Variants in CHSY1 observed in about 807,000 individuals in gnomAD.
CHSY1 encodes the protein chondroitin sulfate synthase 1, also known as N-acetylgalactosaminyl-proteoglycan 3-beta-glucuronosyltransferase 1.
A neutral mutation model predicts 59.8 loss-of-function variants in CHSY1; 13 were observed. That is an observed-to-expected ratio of 0.22 (90% CI 0.14 to 0.35). CHSY1 has a LOEUF of 0.35. Among genes scored for constraint, CHSY1 ranks in the 10% least tolerant of loss-of-function variants. The pLI is 1.00. For synonymous variants in CHSY1, 459 were observed against 401.2 expected, an observed-to-expected ratio of 1.14 and a Z score of -1.72; for missense variants, 947 against 1,030.6, an observed-to-expected ratio of 0.92 and a Z score of 1.11.
At chr15:101,190,696 A>T (rs2038431327) in intron 2 of CHSY1, among the ~76,000 whole-genome samples, 2 of 152,274 alleles carry the variant, frequency 1.3e-5, no homozygotes, top group South Asian at 4.1e-4. Context: ...GAAAATATTC[A>T]CAGACTTATA....
Position 101,177,325 on chromosome 15 carries a change from T to C in CHSY1, c.*63A>G, listed in dbSNP as rs1295227529. ...GTATACGGACTTCAAAAACTGATCA[T>C]ACAAAAAATTTTTGAAAAATAAATT... On this transcript the variant is annotated 3_prime_UTR_variant, in exon 3 of 3. Transcript: ENST00000254190. 13 of 1,532,474 alleles carry C rather than the reference T, an allele frequency of 8.5e-6. No individual in the cohort carries two copies. The highest frequency in any genetic ancestry group is 1.2e-5 in the South Asian group (1 of 82,236). 94.9% of individuals were successfully genotyped at this position (1,532,474 alleles called of 1,614,324 possible).
chr15:101,185,400 C>T (rs1275701486), intron 2 of CHSY1, among the ~76,000 whole-genome samples: 1 of 103,734 alleles, frequency 9.6e-6, no homozygotes, highest in African/African-American at 3.6e-5. Flanking sequence ...AGCCCTTGCT[C>T]TGAGTGTGAA....
At chr15:101,222,926 C>T (rs949169944) in intron 2 of CHSY1, among the ~76,000 whole-genome samples, 16 of 152,220 alleles carry the variant, frequency 1.1e-4, no homozygotes, top group Admixed American at 6.5e-5. Flanking sequence ...TTAAGCTCCA[C>T]TTCCAGGAGG....
chr15:101,211,020 A>G (rs2038677022), intron 2 of CHSY1, among the ~76,000 whole-genome samples: 1 of 152,156 alleles, frequency 6.6e-6, no homozygotes, highest in African/African-American at 2.4e-5. Flanking sequence ...ACACAGCTAA[A>G]AGTTAAAATG....
At chr15:101,182,935 T>C (rs2038299860) in intron 2 of CHSY1, among the ~76,000 whole-genome samples, 1 of 152,016 alleles carries the variant, frequency 6.6e-6, no homozygotes, top group Admixed American at 6.6e-5. Flanking sequence ...AAACCCTTGG[T>C]GGAACAGAAA....
At chr15:101,242,880 C>T (rs1331244441) in intron 1 of CHSY1, among the ~76,000 whole-genome samples, 5 of 152,160 alleles carry the variant, frequency 3.3e-5, no homozygotes, top group East Asian at 1.9e-4. Flanking sequence ...TCATCGTGCA[C>T]GTCCTTATGA....
chr15:101,224,515 G>T (rs1015616793), intron 2 of CHSY1, among the ~76,000 whole-genome samples: 1 of 152,140 alleles, frequency 6.6e-6, no homozygotes, highest in Non-Finnish European at 1.5e-5. Flanking sequence ...GGCAATGACG[G>T]TTCTTAAACA....
intron 2 of CHSY1, among the ~76,000 whole-genome samples, chr15:101,211,757 T>C (rs915735625): frequency 1.3e-5 from 2 of 151,866 alleles, no homozygotes; most frequent in Admixed American, 1.3e-4. Flanking sequence ...ATAAAATACC[T>C]TCAAAGAAAA....
At chr15:101,219,943 G>A (rs1406757772) in intron 2 of CHSY1, among the ~76,000 whole-genome samples, 1 of 152,048 alleles carries the variant, frequency 6.6e-6, no homozygotes, top group Non-Finnish European at 1.5e-5. Flanking sequence ...ATTTTGTGAG[G>A]GGGTTTCTCC....
At chr15:101,239,936 G>A (rs1309060670) in intron 1 of CHSY1, among the ~76,000 whole-genome samples, 1 of 152,274 alleles carries the variant, frequency 6.6e-6, no homozygotes, top group Non-Finnish European at 1.5e-5. Context: ...AGTACAACCA[G>A]CACAGACGCA....
At chr15:101,233,384 C>T (rs1030269576) in intron 2 of CHSY1, among the ~76,000 whole-genome samples, 8 of 152,068 alleles carry the variant, frequency 5.3e-5, no homozygotes, top group East Asian at 3.9e-4. Flanking sequence ...TCTATGATTC[C>T]GGCAAGAAGG....
intron 2 of CHSY1, among the ~76,000 whole-genome samples, chr15:101,223,295 A>T (rs2038808946): frequency 6.6e-6 from 1 of 152,218 alleles, no homozygotes; most frequent in African/African-American, 2.4e-5. Context: ...CCGGCCAACT[A>T]CTTTGTTTAA....
At chr15:101,246,539 C>T (rs2039054525) in intron 1 of CHSY1, among the ~76,000 whole-genome samples, 2 of 152,050 alleles carry the variant, frequency 1.3e-5, no homozygotes, top group Non-Finnish European at 1.5e-5. Flanking sequence ...GGTACTGGCA[C>T]AAGAACAGAC....
intron 2 of CHSY1, among the ~76,000 whole-genome samples, chr15:101,188,406 C>A (rs1019457501): frequency 6.6e-6 from 1 of 152,108 alleles, no homozygotes; most frequent in Admixed American, 6.5e-5. Context: ...ATAATCAGGC[C>A]GAGACCACCA....
intron 1 of CHSY1, among the ~76,000 whole-genome samples, chr15:101,239,166 G>C (rs896807974): frequency 2.0e-5 from 3 of 152,198 alleles, no homozygotes; most frequent in African/African-American, 7.2e-5. Context: ...TAATTTCAGT[G>C]CTTGGCACAT....
chr15:101,209,025 G>T (rs952829433), intron 2 of CHSY1, among the ~76,000 whole-genome samples: 1 of 152,132 alleles, frequency 6.6e-6, no homozygotes, highest in Non-Finnish European at 1.5e-5. Flanking sequence ...TTGGGGGTGG[G>T]AGTTTGATGA....
intron 2 of CHSY1, among the ~76,000 whole-genome samples, chr15:101,215,151 G>A (rs889784732): frequency 6.6e-6 from 1 of 152,148 alleles, no homozygotes; most frequent in African/African-American, 2.4e-5. Context: ...AGAACCATGA[G>A]CCAATTAAAC....
chr15:101,233,588 G>A (rs935775420), intron 2 of CHSY1, among the ~76,000 whole-genome samples: 9 of 152,286 alleles, frequency 5.9e-5, no homozygotes, highest in South Asian at 4.1e-4. Flanking sequence ...GCAAAAATCC[G>A]TGACGACAGA....
chr15:101,236,231 A>G (rs1047956131), intron 1 of CHSY1, among the ~76,000 whole-genome samples: 1 of 152,192 alleles, frequency 6.6e-6, no homozygotes, highest in Non-Finnish European at 1.5e-5. Context: ...GGCGAGGAAG[A>G]AGGCTGATAC....
Sources: allele counts gnomAD v4.1 joint callset (sites outside exome capture counted in the v4.1 genomes callset), GRCh38; gene constraint gnomAD v4.1.1; transcripts MANE v1.5; gene names NCBI Gene and HGNC (gene_info 2026-07-23, HGNC 2026-07-21).